Variants in LEMD2 observed in about 807,000 individuals in gnomAD.
LEMD2 encodes the protein LEM domain-containing protein 2.
Under a neutral mutation model 58.8 loss-of-function variants are expected in LEMD2, and 34 were observed. The observed-to-expected ratio is 0.58, with a 90% CI of 0.44 to 0.77. The LOEUF (loss-of-function observed/expected upper bound fraction) is 0.77, where lower values mean the gene tolerates loss of function less well. Ranked by LOEUF, LEMD2 falls within the 30% of genes least tolerant of loss-of-function variation. LEMD2 has a pLI of 0.00. For missense variants in LEMD2, 629 were observed against 717.9 expected (o/e 0.88, Z 1.42); for synonymous variants, 298 against 308.9 (o/e 0.96, Z 0.37).
chr6:33,786,041 T>TTTAA (rs1308466960), intron 2 of LEMD2, among the ~76,000 whole-genome samples: 1 of 152,206 alleles, frequency 6.6e-6, no homozygotes, highest in African/African-American at 2.4e-5. Flanking sequence ...CATTGCACAC[T>TTTAA]TAATTAGACT....
At position 33,777,068 on chromosome 6, in the gene LEMD2, A is replaced by C. The variant is rs775462638; in HGVS notation, c.1259-12T>G. 6.2e-7 allele frequency: 1 copy of C among 1,612,986 alleles called. No homozygotes were observed. The highest frequency in any genetic ancestry group is 1.1e-5 in the South Asian group (1 of 91,062). On this transcript the variant is annotated splice_polypyrimidine_tract_variant and intron_variant, in intron 7 of 8. Transcript: ENST00000293760. ...GTCCTGGACCACGTCTGCAGGAGAGAGCACACCATTTAGGGCAAGGACCCT... is the reference window on the plus strand; with the variant it reads ...GTCCTGGACCACGTCTGCAGGAGAGCGCACACCATTTAGGGCAAGGACCCT...
intron 3 of LEMD2, 96 bp from the exon 4 acceptor site, chr6:33,781,249 T>G: frequency 1.3e-6 from 1 of 779,982 alleles, no homozygotes; most frequent in Non-Finnish European, 2.2e-6. Flanking sequence ...TCAGCTCTAA[T>G]AAGGAGCATG....
intron 8 of LEMD2, among the ~76,000 whole-genome samples, chr6:33,773,594 C>G (rs761571969): frequency 2.2e-4 from 30 of 139,436 alleles, no homozygotes; most frequent in South Asian, 4.7e-4. Context: ...AGTCAGGAGG[C>G]GGGGGGGGGG....
intron 1 of LEMD2, chr6:33,787,115 C>G (rs923179996): frequency 9.9e-6 from 3 of 301,878 alleles, no homozygotes; most frequent in East Asian, 7.4e-5. Context: ...TAGGCCCAAA[C>G]AAAACAAAAT....
rs1281960271 is a variant in LEMD2 at position 33,778,835 on chromosome 6, G to T, written c.1011-448C>A. Reference sequence around the variant, plus strand: ...GCTGTTTAAGTGTAAAGATCATGGGGCATCCATGAGGCTCATGGGGAATCC... The same window carrying T: ...GCTGTTTAAGTGTAAAGATCATGGGTCATCCATGAGGCTCATGGGGAATCC... On this transcript the variant is annotated intron_variant, in intron 5 of 8. Transcript: ENST00000293760. The surrounding 1 kb of genome is among the most constrained non-coding windows in gnomAD (Gnocchi z 4.7). The T allele has an allele frequency of 6.6e-6, 1 of 150,418 alleles. No homozygotes were observed. The highest frequency in any genetic ancestry group is 2.4e-5 in the African/African-American group (1 of 41,282). The allele number at this position is 150,418 out of a possible 1,614,324, so 9.3% of individuals were successfully genotyped here.
At chr6:33,777,754 C>T (rs145992211) in intron 6 of LEMD2, among the ~76,000 whole-genome samples, 66 of 152,324 alleles carry the variant, frequency 4.3e-4, no homozygotes, top group African/African-American at 1.5e-3. Flanking sequence ...TGCTCAAAGG[C>T]GGCCCCCGAT....
intron 1 of LEMD2, among the ~76,000 whole-genome samples, chr6:33,787,418 A>C (rs1767703682): frequency 6.6e-6 from 1 of 152,276 alleles, no homozygotes; most frequent in Non-Finnish European, 1.5e-5. Flanking sequence ...CCTTGCCCAC[A>C]GACTTGTACA....
Position 33,771,332 on chromosome 6 carries a change from G to A in LEMD2, c.*1296C>T, listed in dbSNP as rs1013964447. ...TATGAGAACATGGCCTCACCACGGGGCCAGCGCTCAGATTCCTGCCCTGCC... is the reference window on the plus strand; with the variant it reads ...TATGAGAACATGGCCTCACCACGGGACCAGCGCTCAGATTCCTGCCCTGCC... On this transcript the variant is annotated 3_prime_UTR_variant, in exon 9 of 9. Transcript: ENST00000293760. 2 of 151,820 alleles carry A rather than the reference G, an allele frequency of 1.3e-5. No individual in the cohort carries two copies. Among genetic ancestry groups the A allele is most frequent in the Non-Finnish European group, 2.9e-5 (2 of 68,002 alleles). 9.4% of individuals were successfully genotyped at this position (151,820 alleles called of 1,614,324 possible). A position where few individuals can be genotyped will look rare whatever the true frequency, so the allele number is the denominator to read the frequency against.
At chr6:33,781,909 A>G (rs6921772) in intron 3 of LEMD2, 118,750 of 152,260 alleles carry the variant, frequency 0.78, 46,619 homozygotes, top group East Asian at 0.95. Flanking sequence ...GCACGCATAC[A>G]CTATTTAACA....
In LEMD2 at chr6:33,772,547, C is replaced by T. The variant is rs899319457; in HGVS notation, c.*81G>A. 9.5e-6 allele frequency: 13 copies of T among 1,368,634 alleles called. No individual in the cohort carries two copies. Among genetic ancestry groups the T allele is most frequent in the East Asian group, 2.3e-5 (1 of 42,718 alleles). The allele number at this position is 1,368,634 out of a possible 1,614,324, so 84.8% of individuals were successfully genotyped here. ...GTCAAGGCAAGTGTGAATTCAGCAC[C>T]GCAGGCCTGGTGACCCTCCTGTGCC... On this transcript the variant is annotated 3_prime_UTR_variant, in exon 9 of 9. Transcript: ENST00000293760.
At chr6:33,774,995 T>A (rs1290891806) in intron 8 of LEMD2, among the ~76,000 whole-genome samples, 1 of 147,794 alleles carries the variant, frequency 6.8e-6, no homozygotes, top group Non-Finnish European at 1.5e-5. Flanking sequence ...AATGAATGAA[T>A]GATAGTCTCT....
chr6:33,773,596 G>GT (rs1554148365), intron 8 of LEMD2, among the ~76,000 whole-genome samples: 3 of 114,494 alleles, frequency 2.6e-5, no homozygotes, highest in African/African-American at 5.6e-5. Flanking sequence ...TCAGGAGGCG[G>GT]GGGGGGGGCT....
chr6:33,781,213 T>TA, intron 3 of LEMD2, 60 bp from the exon 4 acceptor site: 1 of 1,087,246 alleles, frequency 9.2e-7, no homozygotes, highest in Middle Eastern at 2.0e-4. Flanking sequence ...TGAAACAGAC[T>TA]AAAAAATGCA....
At chr6:33,786,836 G>A (rs531849945) in intron 1 of LEMD2, 62 bp from the exon 2 acceptor site, 68 of 1,604,212 alleles carry the variant, frequency 4.2e-5, no homozygotes, top group Admixed American at 8.6e-5. Context: ...AATACAAAAA[G>A]AGACTACTCA....
chr6:33,787,701 T>C (rs1435455370), intron 1 of LEMD2, among the ~76,000 whole-genome samples: 5 of 152,246 alleles, frequency 3.3e-5, no homozygotes, highest in Admixed American at 6.5e-5. Context: ...AGACCTCTCA[T>C]TGGCATATCT....
rs1200331867 is a variant in LEMD2, at chr6:33,771,242, A to T, written c.*1386T>A. On this transcript the variant is annotated 3_prime_UTR_variant, in exon 9 of 9. Transcript: ENST00000293760. ...TTTTTAATAAATAGTTTATTCATCCAGCAGTTTCAGCCCTGATACTGAAGC... is the reference window on the plus strand; with the variant it reads ...TTTTTAATAAATAGTTTATTCATCCTGCAGTTTCAGCCCTGATACTGAAGC... 1 of 152,250 alleles carries T rather than the reference A, an allele frequency of 6.6e-6. No homozygotes were observed. The highest frequency in any genetic ancestry group is 1.5e-5 in the Non-Finnish European group (1 of 68,054). The allele number at this position is 152,250 out of a possible 1,614,324, so 9.4% of individuals were successfully genotyped here.
In LEMD2 at chr6:33,788,909, C is replaced by T. The variant is rs1767754653; in HGVS notation, c.208G>A (p.Glu70Lys). ...ERLREEARLREDAPLRARPAA... is the reference protein window; with the variant it reads ...ERLREEARLRKDAPLRARPAA... ...GGCCGGGCGCGCAGCGGCGCATCCT[C>T]GCGTAACCGGGCCTCTTCCCGTAAC... The change falls in exon 1 of 9, where the codon GAG becomes AAG. Residue 70 changes from glutamate to lysine, a missense_variant. By Grantham distance (56) the Glu-to-Lys change is moderately conservative. This residue lies in a region of LEMD2 where 386 missense variants were observed against 381.1 expected (regional missense o/e 1.01). Coordinates refer to ENST00000293760, the MANE Select transcript of LEMD2 (RefSeq NM_181336.4). The T allele has an allele frequency of 2.1e-6, 3 of 1,439,192 alleles. No homozygotes were observed. The highest frequency in any genetic ancestry group is 5.5e-5 in the Admixed American group (2 of 36,222). The allele number at this position is 1,439,192 out of a possible 1,614,324, so 89.2% of individuals were successfully genotyped here.
chr6:33,784,032 C>T (rs771099503), intron 3 of LEMD2, among the ~76,000 whole-genome samples: 6 of 152,244 alleles, frequency 3.9e-5, no homozygotes, highest in Non-Finnish European at 8.8e-5. Flanking sequence ...GGCCCCTTCC[C>T]ATGCCAACAG....
Position 33,777,252 on chromosome 6 carries a change from A to G in LEMD2, c.1157-13T>C, listed in dbSNP as rs752613442. The G allele has an allele frequency of 2.1e-5, 33 of 1,547,114 alleles. No individual in the cohort carries two copies. The highest frequency in any genetic ancestry group is 3.4e-4 in the Middle Eastern group (2 of 5,944). On this transcript the variant is annotated splice_polypyrimidine_tract_variant and intron_variant, in intron 6 of 8. Coordinates refer to ENST00000293760, the MANE Select transcript of LEMD2 (RefSeq NM_181336.4). ...AAAAAAGCCAAGCCTGTGAGGGAAC[A>G]AAACACTGTTAATCCCTCACACTTC...
Sources: allele counts gnomAD v4.1 joint callset (sites outside exome capture counted in the v4.1 genomes callset), GRCh38; gene constraint gnomAD v4.1.1; regional missense constraint gnomAD v4.1.1; non-coding constraint Gnocchi (gnomAD v3.1); transcripts MANE v1.5; gene names NCBI Gene and HGNC (gene_info 2026-07-23, HGNC 2026-07-21).